STOX1: variants seen among roughly 807,000 people sequenced by gnomAD.
STOX1 encodes storkhead-box protein 1.
Under a neutral mutation model 74.8 loss-of-function variants are expected in STOX1, and 57 were observed. The observed-to-expected ratio is 0.76, with a 90% CI of 0.62 to 0.95. The LOEUF (loss-of-function observed/expected upper bound fraction) is 0.95. STOX1 is among the 40% of genes least tolerant of loss of function. The pLI is 0.00. For missense variants in STOX1, 1,010 were observed against 1,117.0 expected (o/e 0.90, Z 1.37); for synonymous variants, 375 against 401.3 (o/e 0.93, Z 0.78).
chr10:68,879,742 C>T (rs912448085), intron 1 of STOX1, among the ~76,000 whole-genome samples: 2 of 152,100 alleles, frequency 1.3e-5, no homozygotes, highest in Non-Finnish European at 2.9e-5. Flanking sequence ...ACTTAGCCAT[C>T]GAGAGGACAT....
chr10:68,857,532 A>G (rs1840157032), intron 1 of STOX1, among the ~76,000 whole-genome samples: 1 of 152,110 alleles, frequency 6.6e-6, no homozygotes, highest in Non-Finnish European at 1.5e-5. Flanking sequence ...GCTCAGAGTT[A>G]GGTAAATCTT....
chr10:68,886,549 A>G lies in STOX1; in HGVS notation c.2753A>G (p.Tyr918Cys), dbSNP rs1188853696. ...CCAGTGTTGGCTCAGGATGTCCAAT[A>G]TGAACACAGTCACTTGGAAGGGACA... is the stretch of plus-strand genomic sequence containing the variant. ...HMPVLAQDVQ[Y>C]EHSHLEGTEN... Residue 918 changes from tyrosine (Y) to cysteine (C), a missense_variant, in exon 3 of 4, where the codon TAT becomes TGT. Transcript: ENST00000298596. The G allele has an allele frequency of 6.2e-7, 1 of 1,614,204 alleles. No individual in the cohort carries two copies. The highest frequency in any genetic ancestry group is 1.1e-5 in the South Asian group (1 of 91,086).
At chr10:68,847,658 C>T (rs1839887087) in intron 1 of STOX1, among the ~76,000 whole-genome samples, 1 of 152,028 alleles carries the variant, frequency 6.6e-6, no homozygotes, top group African/African-American at 2.4e-5. Context: ...GATCCACCTG[C>T]CTCGGCTTCC....
At position 68,886,268 on chromosome 10, in the gene STOX1, AAATTCAGG is replaced by A; in HGVS notation, c.2473_2480del (p.Asn825GlyfsTer6). The A allele has an allele frequency of 6.2e-7, 1 of 1,614,174 alleles. No homozygotes were observed. The highest frequency in any genetic ancestry group is 8.5e-7 in the Non-Finnish European group (1 of 1,180,016). ...ACCTCTCTGCTGAAAGTTGTGGCCT[AAATTCAGG>A]GGCCCAGTTTGGTTTTAACTACGAA... On this transcript the variant is annotated frameshift_variant, in exon 3 of 4. Coordinates refer to ENST00000298596, the MANE Select transcript of STOX1 (RefSeq NM_152709.5). LOFTEE classifies it high-confidence loss of function.
At chr10:68,861,052 T>C (rs987450604) in intron 1 of STOX1, among the ~76,000 whole-genome samples, 10 of 151,990 alleles carry the variant, frequency 6.6e-5, no homozygotes, top group African/African-American at 2.4e-4. Context: ...CTACTAAAAA[T>C]ACAAAATTAG....
chr10:68,868,504 C>T (rs1235113360), intron 1 of STOX1, among the ~76,000 whole-genome samples: 8 of 152,120 alleles, frequency 5.3e-5, no homozygotes, highest in Non-Finnish European at 4.4e-5. Flanking sequence ...CAACCTCCAG[C>T]GTGAGCATCA....
At chr10:68,833,521 T>C (rs1268294436) in intron 1 of STOX1, among the ~76,000 whole-genome samples, 3 of 152,038 alleles carry the variant, frequency 2.0e-5, no homozygotes, top group Admixed American at 6.6e-5. Flanking sequence ...AGAGGGTCCA[T>C]GTGAGAGGGT....
intron 1 of STOX1, among the ~76,000 whole-genome samples, chr10:68,847,662 G>A (rs1353339835): frequency 6.6e-6 from 1 of 151,854 alleles, no homozygotes; most frequent in African/African-American, 2.4e-5. Context: ...CACCTGCCTC[G>A]GCTTCCCAAA....
chr10:68,893,682 GTTGGGATTACAGGCA>G (rs1841145422), downstream of STOX1, among the ~76,000 whole-genome samples: 1 of 152,198 alleles, frequency 6.6e-6, no homozygotes, highest in Admixed American at 6.5e-5. Context: ...CTCCCAAAGT[GTTGGGATTACAGGCA>G]TGAGCCACCG....
intron 1 of STOX1, among the ~76,000 whole-genome samples, chr10:68,851,036 C>T (rs879804236): frequency 1.1e-4 from 17 of 150,882 alleles, no homozygotes; most frequent in Non-Finnish European, 1.5e-4. Flanking sequence ...AGGCCAGGTG[C>T]GGTGGCTCAC....
chr10:68,869,439 G>T (rs1840486300), intron 1 of STOX1, among the ~76,000 whole-genome samples: 1 of 152,178 alleles, frequency 6.6e-6, no homozygotes, highest in South Asian at 2.1e-4. Flanking sequence ...TATGAAGAAG[G>T]AGAATATATT....
intron 1 of STOX1, among the ~76,000 whole-genome samples, chr10:68,873,843 G>T (rs868373522): frequency 4.1e-4 from 61 of 149,262 alleles, no homozygotes; most frequent in African/African-American, 1.4e-3. Flanking sequence ...TAGAGACTGG[G>T]TTTCACCATG....
chr10:68,886,208 G>T lies in STOX1; in HGVS notation c.2412G>T (p.Gly804=), dbSNP rs746379443. ...LKRNECYKPT[G]LHATPGESQE... Reference sequence around the variant, plus strand: ...GAAATGAATGCTACAAACCCACTGGGCTGCATGCTACCCCAGGTGAAAGCC... The same window carrying T: ...GAAATGAATGCTACAAACCCACTGGTCTGCATGCTACCCCAGGTGAAAGCC... The change falls in exon 3 of 4, where the codon GGG becomes GGT. Residue 804 remains glycine (G), a synonymous_variant. Coordinates refer to ENST00000298596, the MANE Select transcript of STOX1 (RefSeq NM_152709.5). The T allele has an allele frequency of 6.2e-7, 1 of 1,614,204 alleles. No individual in the cohort carries two copies. The highest frequency in any genetic ancestry group is 1.1e-5 in the South Asian group (1 of 91,080).
At chr10:68,883,234 A>G (rs1156955538) in intron 2 of STOX1, among the ~76,000 whole-genome samples, 1 of 152,084 alleles carries the variant, frequency 6.6e-6, no homozygotes, top group African/African-American at 2.4e-5. Context: ...AAAAAAAAAA[A>G]AAAAAATTAG....
chr10:68,867,187 C>T (rs181598142), intron 1 of STOX1, among the ~76,000 whole-genome samples: 27 of 152,108 alleles, frequency 1.8e-4, no homozygotes, highest in African/African-American at 5.3e-4. Flanking sequence ...CCTCGTGATC[C>T]GCCCGCCTCA....
chr10:68,884,008 G>A (rs986194594), intron 2 of STOX1, among the ~76,000 whole-genome samples: 2 of 151,814 alleles, frequency 1.3e-5, no homozygotes, highest in African/African-American at 2.4e-5. Flanking sequence ...CTGTAGAGAC[G>A]AAGTCTTGCT....
chr10:68,853,676 T>G (rs576212592), intron 1 of STOX1, among the ~76,000 whole-genome samples: 6 of 152,162 alleles, frequency 3.9e-5, no homozygotes, highest in Non-Finnish European at 7.4e-5. Flanking sequence ...CCTTTCATTT[T>G]TTTTTTGTTT....
intron 1 of STOX1, among the ~76,000 whole-genome samples, chr10:68,852,252 T>A (rs894583338): frequency 2.9e-5 from 4 of 137,984 alleles, no homozygotes; most frequent in African/African-American, 5.2e-5. Context: ...CTTACTGCTT[T>A]TTTTTTTTTT....
intron 1 of STOX1, among the ~76,000 whole-genome samples, chr10:68,881,183 G>C (rs983719395): frequency 6.6e-6 from 1 of 152,098 alleles, no homozygotes; most frequent in Non-Finnish European, 1.5e-5. Context: ...ATATCCAGCA[G>C]AATCCAATAC....
Sources: allele counts gnomAD v4.1 joint callset (sites outside exome capture counted in the v4.1 genomes callset), GRCh38; gene constraint gnomAD v4.1.1; transcripts MANE v1.5; gene names NCBI Gene and HGNC (gene_info 2026-07-23, HGNC 2026-07-21).